Variants in DLG2 observed in about 807,000 individuals in gnomAD.
The protein encoded by DLG2 is discs large MAGUK scaffold protein 2.
DLG2 carries 45 observed loss-of-function variants against 132.5 expected under a neutral mutation model. The ratio of observed to expected loss-of-function variants is 0.34; its 90% CI spans 0.27 to 0.44. DLG2 has a LOEUF of 0.44. Ranked by LOEUF, DLG2 falls within the 20% of genes least tolerant of loss-of-function variation. DLG2 has a pLI of 1.00. For missense variants in DLG2, 1,045 were observed against 1,196.9 expected (o/e 0.87, Z 1.87); for synonymous variants, 424 against 419.6 (o/e 1.01, Z -0.13).
chr11:85,601,804 A>G (rs1354680194), intron 2 of DLG2, among the ~76,000 whole-genome samples: 1 of 152,166 alleles, frequency 6.6e-6, no homozygotes, highest in African/African-American at 2.4e-5. Flanking sequence ...AATCACATTT[A>G]TTAGTTCCCT....
intron 19 of DLG2, among the ~76,000 whole-genome samples, chr11:83,563,275 C>A (rs528253314): frequency 3.3e-5 from 5 of 152,254 alleles, no homozygotes; most frequent in Admixed American, 2.0e-4. Flanking sequence ...CTGTGCCCAG[C>A]CTCCCTAATT....
intron 7 of DLG2, among the ~76,000 whole-genome samples, chr11:84,323,849 T>G (rs1246784047): frequency 6.6e-6 from 1 of 151,990 alleles, no homozygotes; most frequent in African/African-American, 2.4e-5. Context: ...AAATGGCTAT[T>G]TGTGTATCTT....
At chr11:84,936,135 G>C (rs1401384725) in intron 6 of DLG2, among the ~76,000 whole-genome samples, 1 of 152,132 alleles carries the variant, frequency 6.6e-6, no homozygotes, top group East Asian at 1.9e-4. Context: ...CTGTTACCTA[G>C]AAAGAAGAAT....
chr11:85,035,947 TC>T (rs1333472663), intron 6 of DLG2, among the ~76,000 whole-genome samples: 1 of 152,232 alleles, frequency 6.6e-6, no homozygotes, highest in Non-Finnish European at 1.5e-5. Flanking sequence ...TCACTCTACT[TC>T]AGCTTTTTCT....
chr11:85,127,882 T>C (rs1277049151), intron 5 of DLG2, among the ~76,000 whole-genome samples: 1 of 152,176 alleles, frequency 6.6e-6, no homozygotes, highest in Non-Finnish European at 1.5e-5. Context: ...ATTAAAGTCA[T>C]AATAAAAAAT....
chr11:84,058,731 G>A (rs900218589), intron 11 of DLG2, among the ~76,000 whole-genome samples: 2 of 150,956 alleles, frequency 1.3e-5, no homozygotes, highest in African/African-American at 4.9e-5. Context: ...CAAAAATTAG[G>A]GTGGTAATTC....
chr11:85,565,385 T>C (rs2077474961), intron 3 of DLG2, among the ~76,000 whole-genome samples: 1 of 152,014 alleles, frequency 6.6e-6, no homozygotes, highest in Admixed American at 6.6e-5. Flanking sequence ...ATCACTGTAA[T>C]CATTTTAAAG....
chr11:83,757,934 C>T (rs2153748844), intron 18 of DLG2, among the ~76,000 whole-genome samples: 1 of 152,286 alleles, frequency 6.6e-6, no homozygotes, highest in East Asian at 1.9e-4. Flanking sequence ...ATCACCATGT[C>T]TGTTGCCCCT....
intron 7 of DLG2, among the ~76,000 whole-genome samples, chr11:84,306,258 T>C (rs578225212): frequency 1.3e-5 from 2 of 152,230 alleles, no homozygotes; most frequent in South Asian, 2.1e-4. Flanking sequence ...CCCATAAATA[T>C]ATAAATTATT....
intron 6 of DLG2, among the ~76,000 whole-genome samples, chr11:84,885,413 C>T (rs556828836): frequency 3.1e-4 from 47 of 152,062 alleles, no homozygotes; most frequent in East Asian, 1.2e-3. Flanking sequence ...TAGCTTATTG[C>T]GGCCTCAAAC....
chr11:84,616,766 T>G (rs2099605100), intron 6 of DLG2, among the ~76,000 whole-genome samples: 1 of 152,112 alleles, frequency 6.6e-6, no homozygotes. Context: ...AAATCACTTT[T>G]GAGAAGGTGC....
chr11:84,445,702 C>G (rs918999049), intron 7 of DLG2, among the ~76,000 whole-genome samples: 2 of 151,370 alleles, frequency 1.3e-5, no homozygotes, highest in Non-Finnish European at 3.0e-5. Flanking sequence ...GGATCACTAG[C>G]TCAGGAGATC....
In DLG2 at chr11:85,521,919, T is replaced by C. The variant is rs1016639731; in HGVS notation, c.40+76738A>G. On this transcript the variant is annotated intron_variant, in intron 3 of 27. Coordinates refer to ENST00000376104, the MANE Select transcript of DLG2 (RefSeq NM_001142699.3). ...AAGCAGAACATAAAAGTTTGGAGAATTTGCAGCCCAACGTGACAGAAAAAA... is the reference window on the plus strand; with the variant it reads ...AAGCAGAACATAAAAGTTTGGAGAACTTGCAGCCCAACGTGACAGAAAAAA... Among the ~76,000 whole-genome samples the C allele has an allele frequency of 1.6e-4, 24 of 151,962 alleles. 1 individual carries two copies. Among genetic ancestry groups the C allele is most frequent in the Non-Finnish European group, 2.9e-4 (20 of 68,012 alleles).
intron 6 of DLG2, among the ~76,000 whole-genome samples, chr11:84,666,858 A>G (rs1202263435): frequency 2.6e-5 from 4 of 152,172 alleles, no homozygotes; most frequent in African/African-American, 9.6e-5. Flanking sequence ...CTGGAATCAA[A>G]ATGGGATCCA....
chr11:83,925,377 T>C (rs930530929), intron 15 of DLG2, among the ~76,000 whole-genome samples: 1 of 152,154 alleles, frequency 6.6e-6, no homozygotes, highest in Non-Finnish European at 1.5e-5. Flanking sequence ...TGTTCTTTGC[T>C]CAAATAAACT....
chr11:84,743,921 T>A (rs1597125826), intron 6 of DLG2, among the ~76,000 whole-genome samples: 3 of 152,198 alleles, frequency 2.0e-5, no homozygotes, highest in Admixed American at 2.0e-4. Flanking sequence ...AGATGGGGTT[T>A]CACCATCTTG....
intron 18 of DLG2, among the ~76,000 whole-genome samples, chr11:83,714,765 G>A (rs1037008121): frequency 2.5e-4 from 38 of 152,182 alleles, no homozygotes; most frequent in Non-Finnish European, 1.5e-4. Context: ...GGGTACATGT[G>A]CACAGCATGC....
chr11:84,257,679 ATTT>A (rs1172548999), intron 7 of DLG2, among the ~76,000 whole-genome samples: 1,708 of 105,830 alleles, frequency 0.016, 30 homozygotes, highest in African/African-American at 0.059. Flanking sequence ...TTATCTCTGG[ATTT>A]TTTTTTTTTT....
At chr11:85,343,426 C>T (rs2082628223) in intron 3 of DLG2, among the ~76,000 whole-genome samples, 1 of 152,074 alleles carries the variant, frequency 6.6e-6, no homozygotes. Flanking sequence ...GGATTGTGAC[C>T]TGTTCATTTT....
Sources: allele counts gnomAD v4.1 joint callset (sites outside exome capture counted in the v4.1 genomes callset), GRCh38; gene constraint gnomAD v4.1.1; transcripts MANE v1.5; gene names NCBI Gene and HGNC (gene_info 2026-07-23, HGNC 2026-07-21).